The following GLRA2 variants were observed in gnomAD, a reference collection of about 807,000 sequenced individuals.
GLRA2 encodes the protein glycine receptor subunit alpha-2.
In GLRA2, 11 loss-of-function variants were observed where a neutral mutation model predicts 31.6. The ratio of observed to expected loss-of-function variants is 0.35; its 90% confidence interval spans 0.22 to 0.58. GLRA2 has a LOEUF of 0.58. GLRA2 is among the 20% of genes least tolerant of loss of function. The probability of loss-of-function intolerance (pLI) is 0.84; values close to 1 mark genes in which losing one functional copy is unlikely to be tolerated. For missense variants in GLRA2, 212 were observed against 351.8 expected, an observed-to-expected ratio of 0.60 and a Z score of 3.18; for synonymous variants, 132 against 134.0, an observed-to-expected ratio of 0.99 and a Z score of 0.10.
chrX:14,581,816 G>C (rs1186365203), intron 4 of GLRA2, among the ~76,000 whole-genome samples: 1 of 101,042 alleles, frequency 9.9e-6, no homozygotes, highest in Non-Finnish European at 2.0e-5. Context: ...AAATTCAATA[G>C]CTCAGCATAG....
chrX:14,667,220 T>A (rs2147153741), intron 7 of GLRA2, among the ~76,000 whole-genome samples: 1 of 112,606 alleles, frequency 8.9e-6, no homozygotes, highest in East Asian at 2.8e-4. Flanking sequence ...CTTTTTATGA[T>A]CATTAAAATT....
At chrX:14,669,736 A>G in intron 7 of GLRA2, among the ~76,000 whole-genome samples, 1 of 111,155 alleles carries the variant, frequency 9.0e-6, no homozygotes, top group Non-Finnish European at 1.9e-5. Flanking sequence ...CAGCACAGGG[A>G]CCCCAGGCCC....
intron 8 of GLRA2, among the ~76,000 whole-genome samples, chrX:14,703,633 C>T (rs888829265): frequency 5.4e-5 from 6 of 111,689 alleles, no homozygotes; most frequent in African/African-American, 2.0e-4. Flanking sequence ...CAATGGTTTC[C>T]ACTGCAACTC....
rs775007425 is a variant in GLRA2 at position 14,581,155 on chromosome X, G to A, written c.271-28G>A. On this transcript the variant is annotated intron_variant, in intron 3 of 8. Transcript: ENST00000218075. ...TAGAACTCCTGTGCCAGGGTAATCA[G>A]TAACACTTGTCCACGGCATTTCTGT... The A allele has an allele frequency of 4.5e-6, 4 of 880,272 alleles. No individual in the cohort carries two copies. In the East Asian group the frequency reaches 1.2e-4, roughly 27 times the overall value. The allele number at this position is 880,272 out of a possible 1,213,427, so 72.5% of individuals were successfully genotyped here.
At chrX:14,680,552 G>A (rs1004756019) in intron 7 of GLRA2, among the ~76,000 whole-genome samples, 5 of 111,909 alleles carry the variant, frequency 4.5e-5, no homozygotes, top group African/African-American at 1.6e-4. Flanking sequence ...CTAAGGATTA[G>A]CAGCTGAAAG....
At chrX:14,620,491 A>C (rs1601772322) in intron 7 of GLRA2, among the ~76,000 whole-genome samples, 1 of 110,895 alleles carries the variant, frequency 9.0e-6, no homozygotes, top group East Asian at 2.9e-4. Context: ...GAACTGAGTA[A>C]GGTTTTATTT....
intron 7 of GLRA2, among the ~76,000 whole-genome samples, chrX:14,670,271 A>C (rs755164334): frequency 1.8e-5 from 2 of 111,896 alleles, no homozygotes; most frequent in South Asian, 7.5e-4. Flanking sequence ...GTCTCTAGGA[A>C]GTTCCAAACT....
chrX:14,623,307 T>A (rs1223786347), intron 7 of GLRA2, among the ~76,000 whole-genome samples: 3 of 111,640 alleles, frequency 2.7e-5, no homozygotes, highest in Non-Finnish European at 5.6e-5. Flanking sequence ...AGGGACAATT[T>A]GATTTCCTCT....
chrX:14,691,029 G>C (rs139715905), intron 8 of GLRA2, among the ~76,000 whole-genome samples, 170 bp downstream of exon 8: 1,976 of 111,416 alleles, frequency 0.018, 12 homozygotes, highest in Non-Finnish European at 0.027. Flanking sequence ...AAATTGGGGA[G>C]GATTGTCAGA....
At chrX:14,721,120 CAAA>C (rs35339624) in intron 8 of GLRA2, among the ~76,000 whole-genome samples, 777 of 71,631 alleles carry the variant, frequency 0.011, 6 homozygotes, top group African/African-American at 0.025. Flanking sequence ...GACCCTGTCT[CAAA>C]AAAAAAAAAA....
chrX:14,530,040 A>T lies in GLRA2; in HGVS notation c.-18A>T. On this transcript the variant is annotated 5_prime_UTR_variant, in exon 1 of 9. It adds an upstream start codon to the 5' untranslated region. Transcript: ENST00000218075. ...GAATCATTTCGGGATATTTTCCACA[A>T]GCAACACAGAAACAGGAATGAACCG... The T allele has an allele frequency of 8.6e-7, 1 of 1,160,198 alleles. No individual in the cohort carries two copies. The highest frequency in any genetic ancestry group is 1.2e-6 in the Non-Finnish European group (1 of 848,156).
intron 7 of GLRA2, among the ~76,000 whole-genome samples, chrX:14,624,790 T>A (rs1254246060): frequency 1.8e-5 from 2 of 111,946 alleles, no homozygotes; most frequent in East Asian, 5.6e-4. Context: ...AATTTTGGAA[T>A]AAGTGTGATG....
intron 3 of GLRA2, among the ~76,000 whole-genome samples, chrX:14,580,433 C>T (rs2090004071): frequency 9.0e-6 from 1 of 111,198 alleles, no homozygotes; most frequent in Admixed American, 9.6e-5. Flanking sequence ...GAGTAGAAGT[C>T]CCCAGAAGAG....
the GLRA2 span, among the ~76,000 whole-genome samples, chrX:14,523,143 G>A: frequency 8.9e-6 from 1 of 111,919 alleles, no homozygotes; most frequent in Non-Finnish European, 1.9e-5. Context: ...TTAATAACTC[G>A]TTGTAGCTTC....
intron 4 of GLRA2, among the ~76,000 whole-genome samples, chrX:14,591,160 TC>T (rs1010682090): frequency 1.8e-5 from 2 of 112,062 alleles, no homozygotes; most frequent in African/African-American, 6.5e-5. Flanking sequence ...AGAGTAAGGA[TC>T]TTGTATTAGT....
At chrX:14,453,089 C>A in the GLRA2 span, among the ~76,000 whole-genome samples, 1 of 111,072 alleles carries the variant, frequency 9.0e-6, no homozygotes, top group Admixed American at 9.6e-5. Context: ...CTGGGTGATG[C>A]GTTAAGGGGA....
intron 7 of GLRA2, among the ~76,000 whole-genome samples, chrX:14,674,600 A>T (rs946857584): frequency 8.9e-6 from 1 of 112,120 alleles, no homozygotes; most frequent in Non-Finnish European, 1.9e-5. Flanking sequence ...AGAAATCAAG[A>T]TTCAAAAAGG....
intron 8 of GLRA2, among the ~76,000 whole-genome samples, chrX:14,729,783 A>G (rs942221792): frequency 9.0e-6 from 1 of 111,158 alleles, no homozygotes; most frequent in African/African-American, 3.3e-5. Flanking sequence ...CCAGGCACAC[A>G]GCACAGGCTC....
intron 2 of GLRA2, among the ~76,000 whole-genome samples, chrX:14,564,637 T>A (rs1314649841): frequency 3.6e-5 from 4 of 112,411 alleles, no homozygotes; most frequent in African/African-American, 1.3e-4. Context: ...GCATAAAAAA[T>A]TATTAGTTGA....
Sources: gnomAD v4.1 joint callset for allele counts (sites outside exome capture counted in the v4.1 genomes callset) on GRCh38, gnomAD v4.1.1 for gene constraint, MANE v1.5 for transcripts, NCBI Gene and HGNC (gene_info 2026-07-23, HGNC 2026-07-21) for gene names.